HHAT: variants seen among roughly 807,000 people sequenced by gnomAD.
HHAT encodes the protein protein-cysteine N-palmitoyltransferase HHAT.
In HHAT, 47 loss-of-function variants were observed where a neutral mutation model predicts 70.8. That is an observed-to-expected ratio of 0.66 (90% CI 0.53 to 0.85). HHAT has a LOEUF of 0.85. Among genes scored for constraint, HHAT ranks in the 40% least tolerant of loss-of-function variants. The pLI, the probability that HHAT is intolerant of heterozygous loss-of-function variation, is 0.00. For missense variants in HHAT, 609 were observed against 604.8 expected (o/e 1.01, Z -0.07); for synonymous variants, 228 against 247.6 (o/e 0.92, Z 0.74).
chr1:210,495,364 G>T (rs2094619751), intron 8 of HHAT, among the ~76,000 whole-genome samples: 1 of 152,086 alleles, frequency 6.6e-6, no homozygotes, highest in South Asian at 2.1e-4. Flanking sequence ...AGGGCACCAG[G>T]AATCAGAAGG....
At chr1:210,530,720 G>A (rs994326782) in intron 9 of HHAT, among the ~76,000 whole-genome samples, 1 of 152,154 alleles carries the variant, frequency 6.6e-6, no homozygotes, top group Non-Finnish European at 1.5e-5. Context: ...AAGAGCCTAG[G>A]AGAACTGGGT....
chr1:210,458,982 T>G (rs927855794), intron 7 of HHAT, among the ~76,000 whole-genome samples: 1 of 152,204 alleles, frequency 6.6e-6, no homozygotes, highest in African/African-American at 2.4e-5. Flanking sequence ...CTTGTAGAAT[T>G]TGACATTCAT....
At chr1:210,372,698 G>T (rs371634315) in intron 3 of HHAT, among the ~76,000 whole-genome samples, 2 of 152,072 alleles carry the variant, frequency 1.3e-5, no homozygotes, top group Non-Finnish European at 2.9e-5. Context: ...CTGATTAGAG[G>T]ATAGAGCCTT....
At chr1:210,375,047 A>G (rs576665774) in intron 3 of HHAT, among the ~76,000 whole-genome samples, 3 of 152,354 alleles carry the variant, frequency 2.0e-5, no homozygotes, top group East Asian at 3.9e-4. Context: ...GGAACTTGAC[A>G]TTAGTACAAC....
At chr1:210,556,416 A>G (rs1406050923) in intron 9 of HHAT, among the ~76,000 whole-genome samples, 1 of 152,210 alleles carries the variant, frequency 6.6e-6, no homozygotes, top group African/African-American at 2.4e-5. Flanking sequence ...TGTTAGGTGC[A>G]TGAATATATG....
intron 1 of HHAT, chr1:210,329,344 C>T (rs1458241751): frequency 8.3e-7 from 1 of 1,202,610 alleles, no homozygotes; most frequent in Middle Eastern, 3.3e-4. Context: ...GGGACAAGTC[C>T]GCGCACGGCC....
intron 8 of HHAT, among the ~76,000 whole-genome samples, chr1:210,487,136 A>G (rs138811891): frequency 9.5e-4 from 145 of 152,314 alleles, no homozygotes; most frequent in African/African-American, 3.4e-3. Flanking sequence ...TTGCCAGGCC[A>G]TGCATCTGTG....
intron 9 of HHAT, among the ~76,000 whole-genome samples, chr1:210,573,960 C>G (rs560950930): frequency 2.0e-4 from 30 of 152,228 alleles, no homozygotes; most frequent in African/African-American, 7.0e-4. Flanking sequence ...AAAGGAAATT[C>G]GCCAGGATTT....
At chr1:210,568,935 T>A (rs879679634) in intron 9 of HHAT, among the ~76,000 whole-genome samples, 7 of 152,088 alleles carry the variant, frequency 4.6e-5, no homozygotes, top group Non-Finnish European at 8.8e-5. Flanking sequence ...TGGGGACAAG[T>A]CCCCAACCTG....
chr1:210,524,205 T>A (rs181499536), intron 9 of HHAT, among the ~76,000 whole-genome samples: 79 of 152,336 alleles, frequency 5.2e-4, no homozygotes, highest in Non-Finnish European at 1.3e-4. Context: ...TATGGTGTAC[T>A]TAAAAACCTG....
chr1:210,343,271 A>G (rs1442507421), intron 1 of HHAT, among the ~76,000 whole-genome samples: 1 of 152,148 alleles, frequency 6.6e-6, no homozygotes, highest in Admixed American at 6.5e-5. Context: ...AAAGGGCTGT[A>G]GAAGCTCGAG....
chr1:210,507,199 G>C (rs2094871828), intron 8 of HHAT, among the ~76,000 whole-genome samples: 1 of 152,202 alleles, frequency 6.6e-6, no homozygotes, highest in Admixed American at 6.5e-5. Context: ...CTATTTCACA[G>C]GGTTGTGGTG....
Position 210,623,561 on chromosome 1 carries a change from C to A in HHAT, c.1281C>A (p.Phe427Leu), listed in dbSNP as rs780932919. 3.1e-6 allele frequency: 5 copies of A among 1,614,088 alleles called. No homozygotes were observed. The highest frequency in any genetic ancestry group is 4.2e-6 in the Non-Finnish European group (5 of 1,179,994). The change falls in exon 11 of 12, where the codon TTC (phenylalanine) becomes TTA (leucine). Residue 427 changes from phenylalanine to leucine, a missense_variant. Phe to Leu is a conservative substitution (Grantham distance 22, BLOSUM62 0). Transcript: ENST00000261458. ...TCTCCCCACAAGCTCGCCGTCGATT[C>A]CACGCTGCCCTTGCTTCTTGTTCCA... is the stretch of plus-strand genomic sequence containing the variant. The part of the protein sequence containing the change: ...RYFSPQARRR[F>L]HAALASCSTS...
intron 9 of HHAT, among the ~76,000 whole-genome samples, chr1:210,526,255 G>A (rs1047950421): frequency 1.3e-5 from 2 of 152,082 alleles, no homozygotes; most frequent in African/African-American, 4.8e-5. Flanking sequence ...CAGTGGTGGT[G>A]TAATTTGTCA....
chr1:210,479,981 C>T (rs981344333), intron 8 of HHAT, among the ~76,000 whole-genome samples: 1 of 152,140 alleles, frequency 6.6e-6, no homozygotes, highest in Admixed American at 6.6e-5. Flanking sequence ...AGTTTCTCTA[C>T]CTGTTAATGG....
intron 9 of HHAT, among the ~76,000 whole-genome samples, chr1:210,514,492 T>C (rs538320749): frequency 7.2e-5 from 11 of 152,336 alleles, no homozygotes; most frequent in African/African-American, 2.6e-4. Context: ...TTTTATTTAA[T>C]GTCTTTGGTG....
intron 3 of HHAT, among the ~76,000 whole-genome samples, chr1:210,382,937 C>T (rs946533066): frequency 3.9e-5 from 6 of 152,112 alleles, no homozygotes; most frequent in Admixed American, 2.0e-4. Flanking sequence ...GTTTGAAACC[C>T]GGCTCTGCCC....
chr1:210,568,424 C>T (rs937139061), intron 9 of HHAT, among the ~76,000 whole-genome samples: 4 of 152,164 alleles, frequency 2.6e-5, no homozygotes, highest in Admixed American at 2.0e-4. Context: ...GAGGGAGGGT[C>T]GTGGGAGCCT....
chr1:210,664,215 A>C (rs1678408798), intron 11 of HHAT, among the ~76,000 whole-genome samples: 1 of 152,328 alleles, frequency 6.6e-6, no homozygotes, highest in South Asian at 2.1e-4. Flanking sequence ...ATTAAGATTA[A>C]AACTCTAAAT....
Sources: gnomAD v4.1 joint callset for allele counts (sites outside exome capture counted in the v4.1 genomes callset) on GRCh38, gnomAD v4.1.1 for gene constraint, MANE v1.5 for transcripts, NCBI Gene and HGNC (gene_info 2026-07-23, HGNC 2026-07-21) for gene names.